TENM3: variants seen among roughly 807,000 people sequenced by gnomAD.
TENM3 encodes teneurin transmembrane protein 3.
Under a neutral mutation model 255.1 loss-of-function variants are expected in TENM3, and 63 were observed. That is an observed-to-expected ratio of 0.25 (90% CI 0.20 to 0.30). The LOEUF (loss-of-function observed/expected upper bound fraction) is 0.30. Ranked by LOEUF, TENM3 falls within the 10% of genes least tolerant of loss-of-function variation. The pLI, the probability that TENM3 is intolerant of heterozygous loss-of-function variation, is 1.00. For missense variants in TENM3, 2,929 were observed against 3,461.1 expected (o/e 0.85, Z 3.86); for synonymous variants, 1,306 against 1,322.3 (o/e 0.99, Z 0.27).
At chr4:182,740,917 C>T (rs1282020123) in intron 18 of TENM3, among the ~76,000 whole-genome samples, 2 of 152,290 alleles carry the variant, frequency 1.3e-5, no homozygotes, top group East Asian at 3.9e-4. Context: ...TGGCTCACAC[C>T]TGTAATCCCA....
At chr4:182,480,154 T>C (rs756258457) in intron 3 of TENM3, among the ~76,000 whole-genome samples, 5 of 152,036 alleles carry the variant, frequency 3.3e-5, no homozygotes, top group Admixed American at 6.5e-5. Context: ...TTTCCAGATA[T>C]CACATTTTTA....
intron 1 of TENM3, among the ~76,000 whole-genome samples, chr4:182,174,123 C>A (rs905414241): frequency 6.6e-6 from 1 of 152,008 alleles, no homozygotes; most frequent in African/African-American, 2.4e-5. Context: ...CTACATTTAT[C>A]TTTATCTTGA....
intron 3 of TENM3, among the ~76,000 whole-genome samples, chr4:182,585,785 C>A (rs768419548): frequency 6.6e-6 from 1 of 152,190 alleles, no homozygotes; most frequent in Non-Finnish European, 1.5e-5. Context: ...AACAAACTGG[C>A]ACCAAACTAT....
At chr4:182,764,849 A>G (rs751642539) in intron 22 of TENM3, among the ~76,000 whole-genome samples, 5 of 152,194 alleles carry the variant, frequency 3.3e-5, no homozygotes, top group Non-Finnish European at 7.3e-5. Context: ...AACATAGCCA[A>G]TCTGGTGACA....
At chr4:182,045,212 G>A in the TENM3 span, among the ~76,000 whole-genome samples, 2 of 152,062 alleles carry the variant, frequency 1.3e-5, no homozygotes, top group African/African-American at 2.4e-5. Context: ...TGAGGAGTGT[G>A]GTTCAATGCC....
chr4:181,768,142 G>A, the TENM3 span, among the ~76,000 whole-genome samples: 1 of 152,196 alleles, frequency 6.6e-6, no homozygotes, highest in South Asian at 2.1e-4. Flanking sequence ...AGGACATGAA[G>A]TACAATTATT....
chr4:181,451,895 AAGAGAGAACAT>A, the TENM3 span, among the ~76,000 whole-genome samples: 1 of 152,106 alleles, frequency 6.6e-6, no homozygotes, highest in African/African-American at 2.4e-5. Context: ...AGATTGCTCA[AAGAGAGAACAT>A]AGGGAGATTT....
At chr4:182,279,873 C>T (rs955289032) in intron 1 of TENM3, among the ~76,000 whole-genome samples, 1 of 152,058 alleles carries the variant, frequency 6.6e-6, no homozygotes, top group South Asian at 2.1e-4. Flanking sequence ...GGTTTCATAC[C>T]AGTTTTTATT....
At chr4:182,305,170 T>A (rs2150387861) in intron 1 of TENM3, among the ~76,000 whole-genome samples, 1 of 151,904 alleles carries the variant, frequency 6.6e-6, no homozygotes, top group Non-Finnish European at 1.5e-5. Context: ...GTTTTTGCTC[T>A]GGAAGTATAG....
In TENM3 at chr4:182,328,368, A is replaced by C. The variant is rs188422821; in HGVS notation, c.232+4116A>C. Reference sequence around the variant, plus strand: ...GTAGCTGGAATTATAGGCGCCTGCCACTACGCCCAGCTAATTTTTGTAATT... The same window carrying C: ...GTAGCTGGAATTATAGGCGCCTGCCCCTACGCCCAGCTAATTTTTGTAATT... On this transcript the variant is annotated intron_variant, in intron 2 of 27. Coordinates refer to ENST00000511685, the MANE Select transcript of TENM3 (RefSeq NM_001080477.4). Among the ~76,000 whole-genome samples the C allele has an allele frequency of 1.0e-3, 156 of 152,174 alleles. 1 individual carries two copies. The Middle Eastern group carries it at 0.014, about 13-fold the overall frequency.
intron 1 of TENM3, among the ~76,000 whole-genome samples, chr4:182,298,973 A>C (rs1761667620): frequency 7.6e-6 from 1 of 132,040 alleles, no homozygotes; most frequent in African/African-American, 3.0e-5. Flanking sequence ...CAACAGAGCA[A>C]GACTCCTTCT....
intron 19 of TENM3, among the ~76,000 whole-genome samples, chr4:182,751,241 T>A (rs767894672): frequency 3.3e-5 from 5 of 151,970 alleles, no homozygotes; most frequent in Non-Finnish European, 7.3e-5. Context: ...TTTAACCCCA[T>A]AGGACAGACA....
chr4:181,531,574 C>T, the TENM3 span, among the ~76,000 whole-genome samples: 4 of 152,178 alleles, frequency 2.6e-5, no homozygotes, highest in Admixed American at 2.0e-4. Flanking sequence ...CCTACTAGTT[C>T]TAGACACTGT....
chr4:182,739,647 TG>T (rs112987361), intron 18 of TENM3, among the ~76,000 whole-genome samples: 4 of 152,210 alleles, frequency 2.6e-5, no homozygotes, highest in Non-Finnish European at 4.4e-5. Context: ...CATTCCTGCT[TG>T]AAACAATTTT....
the TENM3 span, among the ~76,000 whole-genome samples, chr4:181,888,800 A>G: frequency 6.6e-6 from 1 of 151,298 alleles, no homozygotes; most frequent in African/African-American, 2.4e-5. Context: ...TCTAGTTTGA[A>G]GGCCTGAGAA....
the TENM3 span, among the ~76,000 whole-genome samples, chr4:181,690,965 C>T: frequency 6.9e-3 from 1,055 of 152,204 alleles, 17 homozygotes; most frequent in African/African-American, 0.024. Context: ...AAATATATGA[C>T]GGCTCTCTCC....
the TENM3 span, among the ~76,000 whole-genome samples, chr4:181,908,409 A>G: frequency 1.3e-5 from 2 of 152,204 alleles, no homozygotes; most frequent in African/African-American, 2.4e-5. Context: ...ACATAGCCCA[A>G]CTACACTGTG....
At chr4:181,696,229 ATCT>A in the TENM3 span, among the ~76,000 whole-genome samples, 1 of 152,150 alleles carries the variant, frequency 6.6e-6, no homozygotes, top group South Asian at 2.1e-4. Flanking sequence ...TATAATAGAA[ATCT>A]TGTAATGATA....
intron 3 of TENM3, among the ~76,000 whole-genome samples, chr4:182,579,626 A>T (rs1745289771): frequency 6.6e-6 from 1 of 152,196 alleles, no homozygotes. Flanking sequence ...TTTTCCTTTA[A>T]GATTTTTTAG....
Sources: gnomAD v4.1 joint callset for allele counts (sites outside exome capture counted in the v4.1 genomes callset) on GRCh38, gnomAD v4.1.1 for gene constraint, MANE v1.5 for transcripts, NCBI Gene and HGNC (gene_info 2026-07-23, HGNC 2026-07-21) for gene names.